The following MGMT variants were observed in gnomAD, a reference collection of about 807,000 sequenced individuals.
The protein encoded by MGMT is O-6-methylguanine-DNA methyltransferase.
Under a neutral mutation model 15.9 loss-of-function variants are expected in MGMT, and 14 were observed. That is an observed-to-expected ratio of 0.88 (90% CI 0.58 to 1.37). The LOEUF (loss-of-function observed/expected upper bound fraction) is 1.37, where lower values mean the gene tolerates loss of function less well. Among genes scored for constraint, MGMT ranks in the 40% most tolerant of loss-of-function variants. The pLI, the probability that MGMT is intolerant of heterozygous loss-of-function variation, is 0.00. For missense variants in MGMT, 282 were observed against 268.1 expected (o/e 1.05, Z -0.36); for synonymous variants, 130 against 118.2 (o/e 1.10, Z -0.65).
chr10:129,673,717 A>AAAAG (rs1383596286), intron 2 of MGMT, among the ~76,000 whole-genome samples: 5 of 152,204 alleles, frequency 3.3e-5, no homozygotes, highest in African/African-American at 1.2e-4. Context: ...ATTTCAAATT[A>AAAAG]GTGGGAATTA....
intron 1 of MGMT, among the ~76,000 whole-genome samples, chr10:129,523,286 GC>G (rs991723611): frequency 4.6e-5 from 7 of 152,380 alleles, no homozygotes; most frequent in African/African-American, 1.7e-4. Flanking sequence ...CACGGCCGGG[GC>G]AGCTTCTTTC....
chr10:129,727,628 G>A (rs1848448427), intron 3 of MGMT, among the ~76,000 whole-genome samples: 1 of 152,210 alleles, frequency 6.6e-6, no homozygotes, highest in Non-Finnish European at 1.5e-5. Context: ...TTCCTCTGGT[G>A]TAAAGTACAG....
intron 2 of MGMT, among the ~76,000 whole-genome samples, chr10:129,670,415 A>G (rs947889646): frequency 6.6e-6 from 1 of 152,172 alleles, no homozygotes; most frequent in East Asian, 1.9e-4. Context: ...TATTCTTGCC[A>G]TGGCCATAGT....
intron 2 of MGMT, among the ~76,000 whole-genome samples, chr10:129,578,146 C>CT (rs1846508389): frequency 6.6e-6 from 1 of 152,192 alleles, no homozygotes; most frequent in African/African-American, 2.4e-5. Context: ...GGATCTAGAA[C>CT]TAGAAATACC....
At chr10:129,660,313 G>T (rs538790796) in intron 2 of MGMT, among the ~76,000 whole-genome samples, 2 of 151,924 alleles carry the variant, frequency 1.3e-5, no homozygotes, top group Admixed American at 6.6e-5. Context: ...AGTGCTGTTC[G>T]CCTGTGGTCT....
intron 2 of MGMT, among the ~76,000 whole-genome samples, chr10:129,555,518 C>G (rs1846203146): frequency 6.6e-6 from 1 of 151,894 alleles, no homozygotes; most frequent in South Asian, 2.1e-4. Flanking sequence ...TGAGAACAGC[C>G]TGGGCAACAT....
chr10:129,551,497 G>GC lies in MGMT; in HGVS notation c.125+15126dup, dbSNP rs537271975. On this transcript the variant is annotated intron_variant, in intron 2 of 4. Coordinates refer to ENST00000651593, the MANE Select transcript of MGMT (RefSeq NM_002412.5). Reference sequence around the variant, plus strand: ...AGGCCAGGGCACCCTCAGGAAGCAGGCCCCCCATGCTTGCAGCTGCCCCCG... The same window carrying GC: ...AGGCCAGGGCACCCTCAGGAAGCAGGCCCCCCCATGCTTGCAGCTGCCCCCG... Among the ~76,000 whole-genome samples the GC allele has an allele frequency of 1.9e-4, 29 of 152,128 alleles. No individual in the cohort carries two copies. In the East Asian group the frequency reaches 4.9e-3, roughly 26 times the overall value.
At chr10:129,610,302 C>A (rs1162209584) in intron 2 of MGMT, among the ~76,000 whole-genome samples, 1 of 152,188 alleles carries the variant, frequency 6.6e-6, no homozygotes, top group Non-Finnish European at 1.5e-5. Context: ...GCCTGTCAGG[C>A]CCATGTCATC....
intron 2 of MGMT, among the ~76,000 whole-genome samples, chr10:129,559,038 G>A (rs1846247622): frequency 1.3e-5 from 2 of 152,242 alleles, no homozygotes; most frequent in Non-Finnish European, 2.9e-5. Context: ...GCTAGGTGAT[G>A]TCCCAGTTCT....
intron 1 of MGMT, among the ~76,000 whole-genome samples, chr10:129,483,598 A>T (rs1487242875): frequency 6.6e-6 from 1 of 152,100 alleles, no homozygotes; most frequent in Non-Finnish European, 1.5e-5. Flanking sequence ...TCTGCCTTGC[A>T]TAGTTTCTGA....
At chr10:129,560,954 AGTGTGTGTGTGTGTGTGTGTGTGTGTGT>A (rs57984603) in intron 2 of MGMT, among the ~76,000 whole-genome samples, 2 of 133,220 alleles carry the variant, frequency 1.5e-5, no homozygotes, top group Non-Finnish European at 3.2e-5. Context: ...AGTAAAGAGC[AGTGTGTGTGTGTGTGTGTGTGTGTGTGT>A]GTGTGTGTGT....
In MGMT at chr10:129,517,164, C is replaced by T. The variant is rs189361663; in HGVS notation, c.-12-19077C>T. Reference sequence around the variant, plus strand: ...GGAGGAGAGGTCATAGCTGGAGCTCCGCTTGGGGGTTTCTGGTGCTCCGCC... The same window carrying T: ...GGAGGAGAGGTCATAGCTGGAGCTCTGCTTGGGGGTTTCTGGTGCTCCGCC... On this transcript the variant is annotated intron_variant, in intron 1 of 4. Coordinates refer to ENST00000651593, the MANE Select transcript of MGMT (RefSeq NM_002412.5). Among the ~76,000 whole-genome samples the T allele has an allele frequency of 3.9e-5, 6 of 152,296 alleles. No homozygotes were observed. In the East Asian group the frequency reaches 5.8e-4, roughly 15 times the overall value.
chr10:129,502,731 C>A (rs913311437), intron 1 of MGMT, among the ~76,000 whole-genome samples: 1 of 152,078 alleles, frequency 6.6e-6, no homozygotes, highest in Non-Finnish European at 1.5e-5. Flanking sequence ...GGGGAAACCA[C>A]ACGTGGGGAT....
chr10:129,548,797 C>T (rs1355102182), intron 2 of MGMT, among the ~76,000 whole-genome samples: 2 of 152,082 alleles, frequency 1.3e-5, no homozygotes, highest in African/African-American at 4.8e-5. Context: ...CAAGGACCAT[C>T]AGGGCAAAGA....
At chr10:129,650,259 A>G (rs1422448752) in intron 2 of MGMT, among the ~76,000 whole-genome samples, 2 of 151,994 alleles carry the variant, frequency 1.3e-5, no homozygotes, top group African/African-American at 2.4e-5. Flanking sequence ...TGTGCTTTGC[A>G]CGTTCGTAAT....
intron 2 of MGMT, among the ~76,000 whole-genome samples, chr10:129,542,637 G>T (rs373002898): frequency 3.3e-5 from 5 of 152,190 alleles, no homozygotes; most frequent in African/African-American, 1.2e-4. Flanking sequence ...CTTAAAAAAT[G>T]TGATTATTTT....
intron 2 of MGMT, among the ~76,000 whole-genome samples, chr10:129,543,063 T>G (rs569415813): frequency 6.6e-6 from 1 of 152,316 alleles, no homozygotes; most frequent in African/African-American, 2.4e-5. Context: ...AAGGTGTTTC[T>G]TTTCAGCTCC....
chr10:129,476,184 G>A (rs372594531), intron 1 of MGMT, among the ~76,000 whole-genome samples: 35 of 152,254 alleles, frequency 2.3e-4, no homozygotes, highest in East Asian at 2.1e-3. Context: ...AAGCCTTCCT[G>A]TTGTATTTTG....
chr10:129,764,062 C>T (rs1175127371), intron 4 of MGMT, among the ~76,000 whole-genome samples: 1 of 152,244 alleles, frequency 6.6e-6, no homozygotes, highest in Non-Finnish European at 1.5e-5. Context: ...CTGCTGGCAC[C>T]GGCTGTCACC....
Sources: gnomAD v4.1 joint callset for allele counts (sites outside exome capture counted in the v4.1 genomes callset) on GRCh38, gnomAD v4.1.1 for gene constraint, MANE v1.5 for transcripts, NCBI Gene and HGNC (gene_info 2026-07-23, HGNC 2026-07-21) for gene names.